TSPAN9: variants seen among roughly 807,000 people sequenced by gnomAD.
The protein encoded by TSPAN9 is tetraspanin 9.
TSPAN9 carries 16 observed loss-of-function variants against 31.0 expected under a neutral mutation model. The observed-to-expected ratio is 0.52, with a 90% confidence interval of 0.35 to 0.78. TSPAN9 has a LOEUF of 0.78. Among genes scored for constraint, TSPAN9 ranks in the 30% least tolerant of loss-of-function variants. TSPAN9 has a pLI of 0.01. For missense variants in TSPAN9, 272 were observed against 312.5 expected (o/e 0.87, Z 0.98); for synonymous variants, 145 against 121.6 (o/e 1.19, Z -1.27).
intron 1 of TSPAN9, among the ~76,000 whole-genome samples, chr12:3,079,945 A>AAT (rs1555138024): frequency 9.3e-5 from 13 of 140,386 alleles, no homozygotes; most frequent in Non-Finnish European, 1.1e-4. Flanking sequence ...AATTAAAAAA[A>AAT]TTTTTTTTTT....
At chr12:3,188,206 T>C (rs1014986450) in intron 2 of TSPAN9, among the ~76,000 whole-genome samples, 47 of 152,252 alleles carry the variant, frequency 3.1e-4, no homozygotes, top group African/African-American at 1.0e-3. Flanking sequence ...CCCATTATAC[T>C]GATGAGGAAA....
intron 2 of TSPAN9, among the ~76,000 whole-genome samples, chr12:3,199,546 A>G (rs1395898064): frequency 1.3e-5 from 2 of 152,200 alleles, no homozygotes; most frequent in African/African-American, 4.8e-5. Context: ...ACAGTGGCCA[A>G]GGGCACCCCT....
intron 2 of TSPAN9, among the ~76,000 whole-genome samples, chr12:3,157,856 T>C (rs1230190546): frequency 6.6e-6 from 1 of 152,222 alleles, no homozygotes; most frequent in Non-Finnish European, 1.5e-5. Context: ...AGTTGTGGGC[T>C]GTGCCTGGCC....
Position 3,192,544 on chromosome 12 carries a change from G to C in TSPAN9, c.-17-8633G>C, listed in dbSNP as rs780223780. 1.3e-5 allele frequency among the ~76,000 whole-genome samples: 2 copies of C among 152,140 alleles called. No individual in the cohort carries two copies. Among genetic ancestry groups the C allele is most frequent in the African/African-American group, 2.4e-5 (1 of 41,426 alleles). Reference sequence around the variant, plus strand: ...AGTGGGGTGAAAACTTAAGCCATTTGTTGAGAAGGAGCGGATAGTGCCAGG... The same window carrying C: ...AGTGGGGTGAAAACTTAAGCCATTTCTTGAGAAGGAGCGGATAGTGCCAGG... On this transcript the variant is annotated intron_variant, in intron 2 of 8. Transcript: ENST00000011898. The surrounding 1 kb of genome is among the most constrained non-coding windows in gnomAD (Gnocchi z 4.6).
intron 2 of TSPAN9, among the ~76,000 whole-genome samples, chr12:3,186,607 CTT>C (rs35019658): frequency 0.23 from 34,284 of 151,306 alleles, 4,071 homozygotes; most frequent in East Asian, 0.34. Context: ...AGAACTTTGT[CTT>C]TTTCTTTGAG....
At chr12:3,198,794 C>T (rs1462751699) in intron 2 of TSPAN9, among the ~76,000 whole-genome samples, 1 of 113,172 alleles carries the variant, frequency 8.8e-6, no homozygotes. Context: ...CAGGCCACCA[C>T]CAGCACAGGT....
At chr12:3,218,238 A>C (rs73041797) in intron 3 of TSPAN9, among the ~76,000 whole-genome samples, 1 of 152,064 alleles carries the variant, frequency 6.6e-6, no homozygotes, top group Non-Finnish European at 1.5e-5. Context: ...ACCAACCCCA[A>C]CTTCCTCGGG....
intron 2 of TSPAN9, among the ~76,000 whole-genome samples, chr12:3,109,318 G>GTGTT (rs1301121677): frequency 2.0e-5 from 3 of 151,602 alleles, no homozygotes; most frequent in Non-Finnish European, 4.4e-5. Context: ...GTGTGTGTGT[G>GTGTT]TGTGTGTGTT....
chr12:3,085,900 G>A (rs1026543231), intron 2 of TSPAN9, among the ~76,000 whole-genome samples: 3 of 152,172 alleles, frequency 2.0e-5, no homozygotes, highest in East Asian at 1.9e-4. Context: ...TGATAGGAGC[G>A]GACTGGGGGT....
chr12:3,237,241 G>A (rs1469183876), intron 3 of TSPAN9, among the ~76,000 whole-genome samples: 3 of 151,982 alleles, frequency 2.0e-5, no homozygotes, highest in Non-Finnish European at 2.9e-5. Flanking sequence ...AAAGTCTCCT[G>A]TGTCAGCGGC....
At chr12:3,085,742 G>T (rs187560985) in intron 2 of TSPAN9, among the ~76,000 whole-genome samples, 28 of 152,342 alleles carry the variant, frequency 1.8e-4, no homozygotes, top group African/African-American at 6.5e-4. Context: ...GGTGGTTTCT[G>T]AGGTGGGATG....
At chr12:3,213,140 G>A (rs956810403) in intron 3 of TSPAN9, among the ~76,000 whole-genome samples, 2 of 152,202 alleles carry the variant, frequency 1.3e-5, no homozygotes, top group East Asian at 1.9e-4. Context: ...TGGATCATGC[G>A]GGGAAGGGCA....
At chr12:3,219,965 G>A (rs908869068) in intron 3 of TSPAN9, among the ~76,000 whole-genome samples, 1 of 151,958 alleles carries the variant, frequency 6.6e-6, no homozygotes, top group Non-Finnish European at 1.5e-5. Flanking sequence ...GACTAGCCTG[G>A]CCAACGTGGT....
chr12:3,142,476 T>G (rs901642602), intron 2 of TSPAN9, among the ~76,000 whole-genome samples: 2 of 151,996 alleles, frequency 1.3e-5, no homozygotes, highest in African/African-American at 4.8e-5. Flanking sequence ...GGCTGTGGGA[T>G]GAAAGGTGAT....
At chr12:3,239,373 C>T (rs989804804) in intron 3 of TSPAN9, among the ~76,000 whole-genome samples, 1 of 151,808 alleles carries the variant, frequency 6.6e-6, no homozygotes, top group Non-Finnish European at 1.5e-5. Flanking sequence ...GAAAAGCACA[C>T]GCTGGCACAC....
intron 3 of TSPAN9, among the ~76,000 whole-genome samples, chr12:3,227,350 G>C (rs2098388396): frequency 1.3e-5 from 2 of 152,272 alleles, no homozygotes; most frequent in South Asian, 4.1e-4. Flanking sequence ...CTGGGGGCAG[G>C]CTTTGGAGAG....
intron 2 of TSPAN9, among the ~76,000 whole-genome samples, chr12:3,092,815 G>T (rs1450914354): frequency 6.6e-6 from 1 of 152,220 alleles, no homozygotes; most frequent in Non-Finnish European, 1.5e-5. Flanking sequence ...TGTTCTTCAG[G>T]AGCACAGTAG....
At chr12:3,080,783 T>C (rs911218411) in intron 1 of TSPAN9, among the ~76,000 whole-genome samples, 64 of 152,224 alleles carry the variant, frequency 4.2e-4, no homozygotes, top group Non-Finnish European at 7.6e-4. Context: ...TTCCCCCTCC[T>C]CCCAGCCTCT....
intron 3 of TSPAN9, among the ~76,000 whole-genome samples, chr12:3,246,965 G>A (rs1862146787): frequency 6.6e-6 from 1 of 152,172 alleles, no homozygotes; most frequent in Non-Finnish European, 1.5e-5. Context: ...TTTCTGCAAT[G>A]TGCTTTTGGC....
Sources: gnomAD v4.1 joint callset for allele counts (sites outside exome capture counted in the v4.1 genomes callset) on GRCh38, gnomAD v4.1.1 for gene constraint, Gnocchi (gnomAD v3.1) non-coding constraint, MANE v1.5 for transcripts, NCBI Gene and HGNC (gene_info 2026-07-23, HGNC 2026-07-21) for gene names.